The following ADPRS variants were observed in gnomAD, a reference collection of about 807,000 sequenced individuals.
ADPRS encodes the protein ADP-ribosylhydrolase ARH3.
Under a neutral mutation model 32.1 loss-of-function variants are expected in ADPRS, and 25 were observed. That is an observed-to-expected ratio of 0.78 (90% confidence interval 0.57 to 1.09). The LOEUF is 1.09. ADPRS is among the 50% of genes least tolerant of loss of function. ADPRS has a pLI of 0.00. For missense variants in ADPRS, 482 were observed against 480.6 expected (o/e 1.00, Z -0.03); for synonymous variants, 225 against 201.0 (o/e 1.12, Z -1.01).
In ADPRS at chr1:36,091,752, C is replaced by A; in HGVS notation, c.443C>A (p.Ser148Tyr). The A allele has an allele frequency of 6.2e-7, 1 of 1,613,476 alleles. No homozygotes were observed. The highest frequency in any genetic ancestry group is 8.5e-7 in the Non-Finnish European group (1 of 1,179,640). ...PARAQFNGKG[S>Y]YGNGGAMRVA... ...CGGGCCCAGTTTAACGGGAAAGGCT[C>A]CTATGGCAATGGAGGTGCCATGCGG... Residue 148 changes from serine to tyrosine, a missense_variant, in exon 3 of 6, where the codon TCC becomes TAC. Physicochemically the swap from Ser to Tyr is moderately radical, Grantham distance 144. Transcript: ENST00000373178.
intron 1 of ADPRS, among the ~76,000 whole-genome samples, chr1:36,089,802 A>T (rs1447019566): frequency 6.6e-6 from 1 of 152,130 alleles, no homozygotes; most frequent in East Asian, 1.9e-4. Flanking sequence ...GGTTCCTCAC[A>T]CCATGATTCC....
At chr1:36,091,583 T>G (rs1643484207) in intron 2 of ADPRS, 35 bp from the exon 3 acceptor site, 1 of 1,542,660 alleles carries the variant, frequency 6.5e-7, no homozygotes, top group Non-Finnish European at 8.8e-7. Flanking sequence ...AGGCATCTTG[T>G]AAATCTGAAT....
chr1:36,093,479 A>G lies in ADPRS; in HGVS notation c.*93A>G. 1 of 1,497,356 alleles carries G rather than the reference A, an allele frequency of 6.7e-7. No individual in the cohort carries two copies. The highest frequency in any genetic ancestry group is 9.0e-7 in the Non-Finnish European group (1 of 1,110,822). The allele number at this position is 1,497,356 out of a possible 1,614,324, so 92.8% of individuals were successfully genotyped here. On this transcript the variant is annotated 3_prime_UTR_variant, in exon 6 of 6. Transcript: ENST00000373178. ...TGCGCTTCCTTGAGTGTGGCTTCCC[A>G]CTTTTCCTGCATTGTGGAGCTGACT...
chr1:36,089,266 C>T, intron 1 of ADPRS, 151 bp downstream of exon 1: 1 of 886,328 alleles, frequency 1.1e-6, no homozygotes, highest in Non-Finnish European at 1.6e-6. Flanking sequence ...AGCTTGAGCT[C>T]AGCGAGTGCC....
chr1:36,090,506 G>A (rs1446417166), intron 1 of ADPRS, among the ~76,000 whole-genome samples: 3 of 151,930 alleles, frequency 2.0e-5, no homozygotes, highest in African/African-American at 4.8e-5. Context: ...CCAGGCCCAC[G>A]AAAGTGAATG....
In ADPRS at chr1:36,089,372, C is replaced by T. The variant is rs188026277; in HGVS notation, c.211+257C>T. Among the ~76,000 whole-genome samples the T allele has an allele frequency of 5.3e-5, 8 of 152,366 alleles. No homozygotes were observed. The East Asian group carries it at 7.7e-4, about 15-fold the overall frequency. ...CTCAACCGTGCAGGGTGTGGATAAACCCATCGTAAGTTGAAAATACCTGAA... is the reference window on the plus strand; with the variant it reads ...CTCAACCGTGCAGGGTGTGGATAAATCCATCGTAAGTTGAAAATACCTGAA... On this transcript the variant is annotated intron_variant, in intron 1 of 5. Transcript: ENST00000373178.
At chr1:36,092,552 C>T (rs1279826508) in intron 5 of ADPRS, 30 bp downstream of exon 5, 4 of 1,604,100 alleles carry the variant, frequency 2.5e-6, no homozygotes, top group Non-Finnish European at 2.6e-6. Context: ...ATTGTCTCTC[C>T]CTCTGTCGTC....
Position 36,088,937 on chromosome 1 carries a change from T to C in ADPRS, c.33T>C (p.Gly11=), listed in dbSNP as rs772782755. The C allele has an allele frequency of 2.0e-6, 3 of 1,522,184 alleles. No individual in the cohort carries two copies. Among genetic ancestry groups the C allele is most frequent in the Non-Finnish European group, 2.6e-6 (3 of 1,140,380 alleles). The allele number at this position is 1,522,184 out of a possible 1,614,324, so 94.3% of individuals were successfully genotyped here. Residue 11 remains glycine, a synonymous_variant, in exon 1 of 6, where the codon GGT becomes GGC. Transcript: ENST00000373178. ...CAGCGGCGATGGCGGCAGCGGCAGG[T>C]GGAGGGGCTGGCGCGGCCCGCTCCC... The part of the protein sequence containing the change: MAAAAMAAAA[G]GGAGAARSLS...
rs190983958 is a variant in ADPRS, at chr1:36,093,022, C to A, written c.803-75C>A. The stretch of plus-strand genomic sequence containing the variant: ...ATCTTAGTCACAGCCTGCTTGAAGC[C>A]GAGAGTGCTGACTTGTGTCAAATGG... On this transcript the variant is annotated intron_variant, in intron 5 of 5. Transcript: ENST00000373178. 5.2e-5 allele frequency: 78 copies of A among 1,498,226 alleles called. No homozygotes were observed. The East Asian group carries it at 9.3e-4, about 18-fold the overall frequency. 92.8% of individuals were successfully genotyped at this position (1,498,226 alleles called of 1,614,324 possible). A position where few individuals can be genotyped will look rare whatever the true frequency, so the allele number is the denominator to read the frequency against.
Position 36,088,925 on chromosome 1 carries a change from G to T in ADPRS, c.21G>T (p.Ala7=), listed in dbSNP as rs1443073374. 6.6e-7 allele frequency: 1 copy of T among 1,525,580 alleles called. No individual in the cohort carries two copies. Among genetic ancestry groups the T allele is most frequent in the Non-Finnish European group, 8.8e-7 (1 of 1,141,510 alleles). The allele number at this position is 1,525,580 out of a possible 1,614,324, so 94.5% of individuals were successfully genotyped here. MAAAAM[A]AAAGGGAGAA... ...CGCGGATGGCCGCAGCGGCGATGGC[G>T]GCAGCGGCAGGTGGAGGGGCTGGCG... is the stretch of plus-strand genomic sequence containing the variant. The change falls in exon 1 of 6, where the codon GCG becomes GCT. Residue 7 remains alanine (A), a synonymous_variant. Transcript: ENST00000373178.
chr1:36,092,286 TC>T, intron 4 of ADPRS, 135 bp from the exon 5 acceptor site: 3 of 1,144,358 alleles, frequency 2.6e-6, no homozygotes, highest in Non-Finnish European at 3.7e-6. Flanking sequence ...CCCAGCCCTC[TC>T]CCACCTCTTG....
chr1:36,091,871 C>T (rs776961288), intron 3 of ADPRS, 39 bp from the exon 4 acceptor site: 19 of 1,587,312 alleles, frequency 1.2e-5, no homozygotes, highest in Middle Eastern at 1.7e-4. Flanking sequence ...TCCTCTTCTG[C>T]AGCAGGGCTT....
At chr1:36,090,407 TAATA>T (rs770126191) in intron 1 of ADPRS, among the ~76,000 whole-genome samples, 7 of 152,024 alleles carry the variant, frequency 4.6e-5, no homozygotes, top group Non-Finnish European at 8.8e-5. Flanking sequence ...TGTAGGCTCA[TAATA>T]AATAAATACA....
At chr1:36,092,564 T>C (rs770119014) in intron 5 of ADPRS, 42 bp downstream of exon 5, 1 of 1,595,646 alleles carries the variant, frequency 6.3e-7, no homozygotes, top group Non-Finnish European at 8.6e-7. Context: ...TCTGTCGTCC[T>C]TCAGGGTCGG....
chr1:36,092,424 T>G lies in ADPRS; in HGVS notation c.704T>G (p.Leu235Trp). ...DAQSVLDARE[L>W]GMEERPYSSR... ...CTGAAATCTCCCCTAAACCACAGGT[T>G]GGGCATGGAGGAGCGTCCATACTCC... The change falls in exon 5 of 6, where the codon TTG becomes TGG. Residue 235 changes from leucine (L) to tryptophan (W), a missense_variant and splice_region_variant. Physicochemically the swap from Leu to Trp is moderately conservative, Grantham distance 61 (BLOSUM62 -2). Coordinates refer to ENST00000373178, the MANE Select transcript of ADPRS (RefSeq NM_017825.3). The G allele has an allele frequency of 6.2e-7, 1 of 1,614,090 alleles. No individual in the cohort carries two copies. Among genetic ancestry groups the G allele is most frequent in the South Asian group, 1.1e-5 (1 of 91,086 alleles).
intron 2 of ADPRS, 31 bp from the exon 3 acceptor site, chr1:36,091,587 T>C (rs1213439689): frequency 2.6e-6 from 4 of 1,547,176 alleles, no homozygotes; most frequent in African/African-American, 2.8e-5. Flanking sequence ...ATCTTGTAAA[T>C]CTGAATTCTG....
At chr1:36,089,323 C>T (rs1417960108) in intron 1 of ADPRS, among the ~76,000 whole-genome samples, 1 of 152,220 alleles carries the variant, frequency 6.6e-6, no homozygotes, top group African/African-American at 2.4e-5. Flanking sequence ...ACATCCCGTG[C>T]TCGGGGCGTG....
intron 1 of ADPRS, among the ~76,000 whole-genome samples, chr1:36,090,881 G>A (rs1170684696): frequency 6.6e-6 from 1 of 151,774 alleles, no homozygotes; most frequent in East Asian, 1.9e-4. Context: ...AAAATAAAAG[G>A]TGAGCAGGGC....
intron 1 of ADPRS, among the ~76,000 whole-genome samples, chr1:36,090,175 A>G (rs777115924): frequency 2.0e-5 from 3 of 152,168 alleles, no homozygotes; most frequent in African/African-American, 4.8e-5. Flanking sequence ...ATCATTTTCA[A>G]TCTGGGTATG....
Sources: allele counts gnomAD v4.1 joint callset (sites outside exome capture counted in the v4.1 genomes callset), GRCh38; gene constraint gnomAD v4.1.1; transcripts MANE v1.5; gene names NCBI Gene and HGNC (gene_info 2026-07-23, HGNC 2026-07-21).